The following KCNMB3 variants were observed in gnomAD, a reference collection of about 807,000 sequenced individuals.
KCNMB3 encodes the protein potassium calcium-activated channel subfamily M regulatory beta subunit 3.
A neutral mutation model predicts 11.9 loss-of-function variants in KCNMB3; 18 were observed. The observed-to-expected ratio is 1.51, with a 90% CI of 1.04 to 2.23. KCNMB3 has a LOEUF of 2.23. KCNMB3 is among the 30% of genes most tolerant of loss of function. The pLI, the probability that KCNMB3 is intolerant of heterozygous loss-of-function variation, is 0.00. For missense variants in KCNMB3, 247 were observed against 329.4 expected (o/e 0.75, Z 1.94); for synonymous variants, 78 against 119.2 (o/e 0.65, Z 2.25).
chr3:179,247,174 A>G (rs1442129242), intron 1 of KCNMB3, among the ~76,000 whole-genome samples: 1 of 152,072 alleles, frequency 6.6e-6, no homozygotes, highest in Non-Finnish European at 1.5e-5. Context: ...GAAAAGTAAA[A>G]CTTAATTATG....
rs183541261 is a variant in KCNMB3, at chr3:179,248,889, G to A, written c.248+1854C>T. Among the ~76,000 whole-genome samples, 283 of 151,992 alleles carry A rather than the reference G, an allele frequency of 1.9e-3. 1 individual carries two copies. Among genetic ancestry groups the A allele is most frequent in the African/African-American group, 6.7e-3 (278 of 41,454 alleles). On this transcript the variant is annotated intron_variant, in intron 1 of 2. Coordinates refer to ENST00000392685, the MANE Select transcript of KCNMB3 (RefSeq NM_171830.2). ...TAGCCAGGCACAGTAGCTTATGCCTGTAATCCCACTGACTCAGGAAGCTGA... is the reference window on the plus strand; with the variant it reads ...TAGCCAGGCACAGTAGCTTATGCCTATAATCCCACTGACTCAGGAAGCTGA...
intron 1 of KCNMB3, among the ~76,000 whole-genome samples, chr3:179,258,116 C>G (rs950903841): frequency 1.3e-4 from 20 of 152,146 alleles, no homozygotes; most frequent in African/African-American, 4.6e-4. Flanking sequence ...GAACTTCTGA[C>G]CTCAGGTGAT....
At chr3:179,257,645 CT>C in intron 1 of KCNMB3, among the ~76,000 whole-genome samples, 1 of 152,206 alleles carries the variant, frequency 6.6e-6, no homozygotes, top group East Asian at 1.9e-4. Context: ...AACAAGTAAC[CT>C]TTTTTTACTG....
upstream of KCNMB3, among the ~76,000 whole-genome samples, chr3:179,255,195 AAAAAT>A (rs1483821593): frequency 5.3e-5 from 8 of 151,894 alleles, no homozygotes; most frequent in African/African-American, 1.9e-4. Context: ...ATACATAATA[AAAAAT>A]AAAATAAAAG....
chr3:179,242,688 T>C (rs1407611080), downstream of KCNMB3: 2 of 810,170 alleles, frequency 2.5e-6, no homozygotes, highest in Non-Finnish European at 3.4e-6. Context: ...CTTAGCTCAT[T>C]TGGAAAGAGA....
At chr3:179,248,937 A>G (rs1484769453) in intron 1 of KCNMB3, among the ~76,000 whole-genome samples, 2 of 151,026 alleles carry the variant, frequency 1.3e-5, no homozygotes, top group East Asian at 2.0e-4. Context: ...GCTTGAGCCC[A>G]GGAGTTCAAG....
intron 1 of KCNMB3, among the ~76,000 whole-genome samples, chr3:179,264,089 A>G (rs979659035): frequency 1.3e-5 from 2 of 151,900 alleles, no homozygotes; most frequent in African/African-American, 4.8e-5. Context: ...TATAGGCATA[A>G]TCCACCGCAC....
At chr3:179,257,568 C>T (rs1726052587) in intron 1 of KCNMB3, among the ~76,000 whole-genome samples, 1 of 152,084 alleles carries the variant, frequency 6.6e-6, no homozygotes, top group African/African-American at 2.4e-5. Flanking sequence ...ACATTTATAA[C>T]AAAATACCAA....
chr3:179,266,987 T>A (rs868000119), upstream of KCNMB3: 81 of 1,208,600 alleles, frequency 6.7e-5, no homozygotes, highest in Middle Eastern at 1.3e-3. Flanking sequence ...AAGCTGCTTC[T>A]CTCTCTTTGC....
chr3:179,246,928 A>G (rs1438885126), intron 1 of KCNMB3, among the ~76,000 whole-genome samples: 1 of 152,190 alleles, frequency 6.6e-6, no homozygotes, highest in Admixed American at 6.5e-5. Context: ...TTCCTTCAAT[A>G]GCATCGGGTG....
At chr3:179,260,743 C>T in intron 1 of KCNMB3, 1 of 1,445,680 alleles carries the variant, frequency 6.9e-7, no homozygotes, top group East Asian at 2.3e-5. Flanking sequence ...CTTCAGCAAA[C>T]TGAAACTGCA....
At chr3:179,241,695 A>G (rs1357279700), downstream of KCNMB3, 1 of 152,260 alleles carries the variant, frequency 6.6e-6, no homozygotes, top group African/African-American at 2.4e-5. Flanking sequence ...ATTTGTTGAG[A>G]GCCTTATGAC....
upstream of KCNMB3, among the ~76,000 whole-genome samples, chr3:179,252,445 T>C (rs147442717): frequency 2.2e-3 from 332 of 152,296 alleles, 1 homozygote; most frequent in African/African-American, 7.6e-3. Context: ...GTTTATGCCT[T>C]ATCCCACATC....
intron 1 of KCNMB3, chr3:179,261,023 G>A: frequency 2.0e-6 from 2 of 986,356 alleles, no homozygotes; most frequent in South Asian, 1.3e-5. Flanking sequence ...GCCTCTCTGA[G>A]AGGAAGTCCC....
chr3:179,260,773 T>C (rs1726180276), intron 1 of KCNMB3: 1 of 1,437,778 alleles, frequency 7.0e-7, no homozygotes, highest in Admixed American at 1.7e-5. Flanking sequence ...GGGCGTGTTT[T>C]TCCCTTTCAA....
In KCNMB3 at chr3:179,263,805, T is replaced by C. The variant is rs79852032; in HGVS notation, c.62+2844A>G. Among the ~76,000 whole-genome samples the C allele has an allele frequency of 5.6e-3, 713 of 127,252 alleles. 8 individuals carry two copies. The highest frequency in any genetic ancestry group is 0.049 in the East Asian group (216 of 4,416). The allele number at this position is 127,252 out of a possible 152,430, so 83.5% of individuals were successfully genotyped here. A position where few individuals can be genotyped will look rare whatever the true frequency, so the allele number is the denominator to read the frequency against. On this transcript the variant is annotated intron_variant, in intron 1 of 3. Transcript: ENST00000349697. ...TTTGTTTTTCTTTTTCTTTTCTTTT[T>C]TTTTTTTTTTTTTTTTTTGAGATGG...
At position 179,259,006 on chromosome 3, in the gene KCNMB3, C is replaced by T. The variant is rs558166165; in HGVS notation, c.62+7643G>A. On this transcript the variant is annotated intron_variant, in intron 1 of 3. Transcript: ENST00000349697. ...CAGACTTCCTGTGCACCACGCCTGC[C>T]GCCTGCCTCAGCTTAGGACATGGTA... 6.8e-5 allele frequency: 110 copies of T among 1,614,156 alleles called. No individual in the cohort carries two copies. The South Asian group carries it at 8.0e-4, about 12-fold the overall frequency.
downstream of KCNMB3, chr3:179,240,043 C>T (rs1310955474): frequency 1.3e-6 from 2 of 1,547,088 alleles, no homozygotes; most frequent in Non-Finnish European, 1.7e-6. Context: ...TTTTCTTTAA[C>T]TCTGCAGTCT....
intron 1 of KCNMB3, chr3:179,260,851 A>C: frequency 8.2e-7 from 1 of 1,223,562 alleles, no homozygotes; most frequent in Non-Finnish European, 1.2e-6. Context: ...CCAGCAACAT[A>C]TCTTTCAGGG....
Sources: allele counts gnomAD v4.1 joint callset (sites outside exome capture counted in the v4.1 genomes callset), GRCh38; gene constraint gnomAD v4.1.1; transcripts MANE v1.5; gene names NCBI Gene and HGNC (gene_info 2026-07-23, HGNC 2026-07-21).